The following MAP4K3 variants were observed in gnomAD, a reference collection of about 807,000 sequenced individuals.
The protein encoded by MAP4K3 is mitogen-activated protein kinase kinase kinase kinase 3.
A neutral mutation model predicts 143.5 loss-of-function variants in MAP4K3; 94 were observed. The observed-to-expected ratio is 0.65, with a 90% CI of 0.55 to 0.78. MAP4K3 has a LOEUF of 0.78. Among genes scored for constraint, MAP4K3 ranks in the 30% least tolerant of loss-of-function variants. MAP4K3 has a pLI of 0.00. For missense variants in MAP4K3, 1,077 were observed against 1,068.1 expected (o/e 1.01, Z -0.12); for synonymous variants, 416 against 347.2 (o/e 1.20, Z -2.20).
At chr2:39,256,660 A>G (rs542766914) in intron 31 of MAP4K3, among the ~76,000 whole-genome samples, 37 of 152,192 alleles carry the variant, frequency 2.4e-4, no homozygotes, top group Non-Finnish European at 4.1e-4. Context: ...AATGATTTTC[A>G]TAAGATTATA....
In MAP4K3 at chr2:39,254,431, A is replaced by G. The variant is rs1054829169; in HGVS notation, c.2541+19T>C. On this transcript the variant is annotated intron_variant, in intron 32 of 33. Coordinates refer to ENST00000263881, the MANE Select transcript of MAP4K3 (RefSeq NM_003618.4). ...TTTGATAATGTCTTGTGACTACTTA[A>G]TGGACATAATTTACTTACCTCATTA... The G allele has an allele frequency of 2.5e-6, 4 of 1,595,926 alleles. No individual in the cohort carries two copies. In the African/African-American group the frequency reaches 5.4e-5, roughly 21 times the overall value.
intron 1 of MAP4K3, among the ~76,000 whole-genome samples, chr2:39,390,693 T>A (rs879285207): frequency 1.3e-5 from 2 of 150,350 alleles, no homozygotes; most frequent in African/African-American, 4.9e-5. Flanking sequence ...TGTCCCCAAA[T>A]CAGAAACTGG....
intron 18 of MAP4K3, among the ~76,000 whole-genome samples, chr2:39,291,374 T>C (rs576091499): frequency 1.3e-5 from 2 of 152,310 alleles, no homozygotes; most frequent in South Asian, 4.1e-4. Flanking sequence ...TTCCAGTTTA[T>C]ATCAACTGAA....
intron 13 of MAP4K3, among the ~76,000 whole-genome samples, chr2:39,311,215 C>G (rs1048783256): frequency 1.3e-5 from 2 of 152,148 alleles, no homozygotes; most frequent in African/African-American, 2.4e-5. Flanking sequence ...GTAGCTGGGC[C>G]TACAGGTGCG....
intron 15 of MAP4K3, among the ~76,000 whole-genome samples, chr2:39,304,900 G>A (rs1382422492): frequency 6.6e-6 from 1 of 152,182 alleles, no homozygotes; most frequent in Admixed American, 6.5e-5. Flanking sequence ...GACACACGCT[G>A]CAACACGGAG....
chr2:39,313,436 T>A (rs1279704538), intron 13 of MAP4K3, among the ~76,000 whole-genome samples: 3 of 149,456 alleles, frequency 2.0e-5, no homozygotes, highest in Non-Finnish European at 4.5e-5. Context: ...AATTCTCATA[T>A]GATGTTCTTC....
chr2:39,314,740 A>G (rs1033972860), intron 13 of MAP4K3, among the ~76,000 whole-genome samples: 2 of 152,230 alleles, frequency 1.3e-5, no homozygotes, highest in Non-Finnish European at 2.9e-5. Context: ...TAGTGGGCCC[A>G]TAACTTGGCT....
At chr2:39,304,238 A>C (rs1024982481) in intron 15 of MAP4K3, among the ~76,000 whole-genome samples, 1 of 152,178 alleles carries the variant, frequency 6.6e-6, no homozygotes. Flanking sequence ...ACAAAATAAA[A>C]ACAGTTGGCA....
intron 1 of MAP4K3, among the ~76,000 whole-genome samples, chr2:39,392,646 G>A (rs1399666296): frequency 6.6e-6 from 1 of 152,230 alleles, no homozygotes; most frequent in Admixed American, 6.5e-5. Context: ...AAGCTTATGT[G>A]TTGGAAACTG....
chr2:39,312,449 T>G (rs1682973678), intron 13 of MAP4K3, among the ~76,000 whole-genome samples: 1 of 152,338 alleles, frequency 6.6e-6, no homozygotes. Flanking sequence ...CAGTGAGATT[T>G]CAAAGCATAA....
intron 3 of MAP4K3, among the ~76,000 whole-genome samples, chr2:39,353,164 T>C (rs988505110): frequency 1.3e-5 from 2 of 152,208 alleles, no homozygotes; most frequent in African/African-American, 4.8e-5. Flanking sequence ...AAGTAAGTCA[T>C]TTATACCCCA....
chr2:39,358,563 G>C (rs1445561444), intron 2 of MAP4K3, among the ~76,000 whole-genome samples: 1 of 152,114 alleles, frequency 6.6e-6, no homozygotes, highest in Non-Finnish European at 1.5e-5. Context: ...GATCCAAAGT[G>C]TATCATTTTG....
In MAP4K3 at chr2:39,430,453, A is replaced by G. The variant is rs1019594970; in HGVS notation, c.96+6439T>C. Among the ~76,000 whole-genome samples, 3 of 152,192 alleles carry G rather than the reference A, an allele frequency of 2.0e-5. No individual in the cohort carries two copies. The South Asian group carries it at 6.2e-4, about 32-fold the overall frequency. On this transcript the variant is annotated intron_variant, in intron 1 of 33. Transcript: ENST00000263881. ...AGAAATGTGGCATCTTCCAGAACAA[A>G]AAAAGACTAAAAAAAACCTAAAGCA...
intron 1 of MAP4K3, among the ~76,000 whole-genome samples, chr2:39,432,698 T>C (rs1665327595): frequency 6.6e-6 from 1 of 152,244 alleles, no homozygotes; most frequent in Non-Finnish European, 1.5e-5. Context: ...ATAGAACACC[T>C]TGAAAGATGC....
intron 6 of MAP4K3, among the ~76,000 whole-genome samples, chr2:39,333,959 TTTTG>T (rs1440124960): frequency 7.8e-4 from 68 of 87,338 alleles, no homozygotes; most frequent in African/African-American, 2.5e-3. Context: ...TGTTTCCCAT[TTTTG>T]TGTGTGTGTG....
intron 27 of MAP4K3, among the ~76,000 whole-genome samples, chr2:39,266,887 CAG>C (rs1346287861): frequency 7.3e-6 from 1 of 136,978 alleles, no homozygotes; most frequent in Admixed American, 8.0e-5. Flanking sequence ...CCTTGGAAAA[CAG>C]GGTGTGATAA....
intron 13 of MAP4K3, among the ~76,000 whole-genome samples, chr2:39,312,869 C>T (rs1682987541): frequency 6.6e-6 from 1 of 152,224 alleles, no homozygotes; most frequent in African/African-American, 2.4e-5. Context: ...TGAGGACAGT[C>T]TTGTGCATCT....
chr2:39,410,666 C>G (rs1347801124), intron 1 of MAP4K3, among the ~76,000 whole-genome samples: 1 of 152,100 alleles, frequency 6.6e-6, no homozygotes. Context: ...TTAAAAAGGT[C>G]TTTGCATGGT....
intron 3 of MAP4K3, among the ~76,000 whole-genome samples, chr2:39,348,706 A>T (rs540290894): frequency 6.6e-6 from 1 of 152,192 alleles, no homozygotes; most frequent in South Asian, 2.1e-4. Context: ...AATCCTCAGA[A>T]TTCTTTTTTC....
Sources: gnomAD v4.1 joint callset for allele counts (sites outside exome capture counted in the v4.1 genomes callset) on GRCh38, gnomAD v4.1.1 for gene constraint, MANE v1.5 for transcripts, NCBI Gene and HGNC (gene_info 2026-07-23, HGNC 2026-07-21) for gene names.